Variants in EPHB1 observed in about 807,000 individuals in gnomAD.
The protein encoded by EPHB1 is EPH receptor B1.
Under a neutral mutation model 94.4 loss-of-function variants are expected in EPHB1, and 30 were observed. That is an observed-to-expected ratio of 0.32 (90% confidence interval 0.24 to 0.43). EPHB1 has a LOEUF of 0.43. EPHB1 is among the 20% of genes least tolerant of loss of function. EPHB1 has a pLI of 1.00. For missense variants in EPHB1, 1,055 were observed against 1,308.3 expected (o/e 0.81, Z 2.99); for synonymous variants, 522 against 489.1 (o/e 1.07, Z -0.89).
rs555782084 is a variant in EPHB1, at chr3:135,181,748, T to A, written c.1882+1766T>A. 3.3e-5 allele frequency among the ~76,000 whole-genome samples: 5 copies of A among 152,130 alleles called. No homozygotes were observed. In the South Asian group the frequency reaches 1.0e-3, roughly 32 times the overall value. ...TATGACCCTACTGGATAGTTACAAT[T>A]TGGGGTGAGTTCACCAGCTGCTGGA... On this transcript the variant is annotated intron_variant, in intron 10 of 15. Transcript: ENST00000398015.
chr3:134,932,714 CTGGAGG>C (rs1205907846), intron 2 of EPHB1, among the ~76,000 whole-genome samples: 1 of 152,212 alleles, frequency 6.6e-6, no homozygotes, highest in Non-Finnish European at 1.5e-5. Context: ...CACTAACCCT[CTGGAGG>C]GCTGAATTTT....
At chr3:134,981,823 C>T (rs925432707) in intron 3 of EPHB1, among the ~76,000 whole-genome samples, 1 of 152,144 alleles carries the variant, frequency 6.6e-6, no homozygotes, top group Non-Finnish European at 1.5e-5. Flanking sequence ...CCAATTTTTC[C>T]AGGCTATAGC....
intron 1 of EPHB1, among the ~76,000 whole-genome samples, chr3:134,814,081 C>T (rs2036223647): frequency 6.6e-6 from 1 of 152,174 alleles, no homozygotes. Flanking sequence ...ACTCCTGTCA[C>T]ACTGCCCAGG....
At chr3:134,823,366 TC>T (rs1264530763) in intron 1 of EPHB1, among the ~76,000 whole-genome samples, 1 of 152,100 alleles carries the variant, frequency 6.6e-6, no homozygotes, top group Non-Finnish European at 1.5e-5. Flanking sequence ...GTCATCGTGG[TC>T]CCCTCAGTTG....
At chr3:134,838,481 G>T (rs536980117) in intron 1 of EPHB1, among the ~76,000 whole-genome samples, 1 of 152,024 alleles carries the variant, frequency 6.6e-6, no homozygotes. Flanking sequence ...TCTTCCCCAC[G>T]GATTCTCCTA....
At chr3:134,956,250 G>T (rs1183264842) in intron 3 of EPHB1, among the ~76,000 whole-genome samples, 1 of 152,074 alleles carries the variant, frequency 6.6e-6, no homozygotes, top group Admixed American at 6.5e-5. Context: ...GACAACCCCT[G>T]AGTGGCCAGA....
chr3:135,163,257 G>A (rs1941561650), intron 7 of EPHB1, among the ~76,000 whole-genome samples: 1 of 152,180 alleles, frequency 6.6e-6, no homozygotes, highest in African/African-American at 2.4e-5. Flanking sequence ...TGATGTTCTT[G>A]TGAAAAAATT....
chr3:134,946,419 C>T (rs752550097), intron 2 of EPHB1, among the ~76,000 whole-genome samples: 6 of 152,174 alleles, frequency 3.9e-5, no homozygotes, highest in Non-Finnish European at 7.3e-5. Context: ...TCAATGGCAC[C>T]AGGCCACTTT....
chr3:135,181,872 A>G (rs1942161720), intron 10 of EPHB1, among the ~76,000 whole-genome samples: 1 of 152,138 alleles, frequency 6.6e-6, no homozygotes, highest in African/African-American at 2.4e-5. Flanking sequence ...TGCTCAGAGA[A>G]GGTTCAGTCT....
chr3:135,060,709 G>T (rs111548790), intron 3 of EPHB1, among the ~76,000 whole-genome samples: 1 of 152,038 alleles, frequency 6.6e-6, no homozygotes, highest in African/African-American at 2.4e-5. Flanking sequence ...TTTGATAGAG[G>T]CATACAGTGC....
chr3:135,083,008 G>A (rs945829847), intron 3 of EPHB1, among the ~76,000 whole-genome samples: 9 of 152,204 alleles, frequency 5.9e-5, no homozygotes, highest in Admixed American at 5.9e-4. Flanking sequence ...AATTCTGCAC[G>A]TGGATGGGAA....
chr3:134,922,003 G>C (rs775377517), intron 1 of EPHB1, among the ~76,000 whole-genome samples: 26 of 152,290 alleles, frequency 1.7e-4, no homozygotes, highest in Non-Finnish European at 1.5e-5. Flanking sequence ...TCCACCATGC[G>C]TGTGCCCTTC....
chr3:134,813,678 GA>G (rs1411091477), intron 1 of EPHB1, among the ~76,000 whole-genome samples: 1 of 152,188 alleles, frequency 6.6e-6, no homozygotes, highest in Non-Finnish European at 1.5e-5. Context: ...AAGCCATAGA[GA>G]ATGCCTTTGG....
chr3:135,190,840 T>C (rs772982562), intron 10 of EPHB1, among the ~76,000 whole-genome samples: 6 of 152,216 alleles, frequency 3.9e-5, no homozygotes, highest in Non-Finnish European at 8.8e-5. Context: ...CTGGCATGTC[T>C]GCTATGTGCC....
chr3:135,248,847 G>C (rs939560496), intron 14 of EPHB1, among the ~76,000 whole-genome samples: 10 of 152,048 alleles, frequency 6.6e-5, no homozygotes, highest in Admixed American at 1.3e-4. Context: ...TTTCTGGTTT[G>C]GATACCTGGG....
At chr3:134,921,197 C>T (rs1474708786) in intron 1 of EPHB1, among the ~76,000 whole-genome samples, 3 of 152,168 alleles carry the variant, frequency 2.0e-5, no homozygotes, top group African/African-American at 7.2e-5. Flanking sequence ...TGGGATGACT[C>T]CTACTTCATT....
At chr3:135,215,050 G>A (rs540039328) in intron 12 of EPHB1, among the ~76,000 whole-genome samples, 21 of 152,168 alleles carry the variant, frequency 1.4e-4, no homozygotes, top group Admixed American at 3.9e-4. Flanking sequence ...GACAAGTTCC[G>A]TCCTGGTCAC....
chr3:134,899,179 G>C (rs2038148250), intron 1 of EPHB1, among the ~76,000 whole-genome samples: 1 of 152,180 alleles, frequency 6.6e-6, no homozygotes, highest in Non-Finnish European at 1.5e-5. Flanking sequence ...CCCAGGAGTA[G>C]TTAGGAACAG....
intron 1 of EPHB1, among the ~76,000 whole-genome samples, chr3:134,909,646 A>G (rs1387582642): frequency 2.0e-5 from 3 of 152,194 alleles, no homozygotes; most frequent in Non-Finnish European, 4.4e-5. Context: ...GTCTTTTCTC[A>G]GTTCAGAAGG....
Sources: gnomAD v4.1 joint callset for allele counts (sites outside exome capture counted in the v4.1 genomes callset) on GRCh38, gnomAD v4.1.1 for gene constraint, MANE v1.5 for transcripts, NCBI Gene and HGNC (gene_info 2026-07-23, HGNC 2026-07-21) for gene names.